IL1RAPL2: variants seen among roughly 807,000 people sequenced by gnomAD.
IL1RAPL2 encodes interleukin 1 receptor accessory protein like 2.
Under a neutral mutation model 44.1 loss-of-function variants are expected in IL1RAPL2, and 3 were observed. The ratio of observed to expected loss-of-function variants is 0.07; its 90% CI spans 0.03 to 0.18. The LOEUF is 0.18. IL1RAPL2 is among the 10% of genes least tolerant of loss of function. The pLI is 1.00. For synonymous variants in IL1RAPL2, 181 were observed against 178.8 expected (o/e 1.01, Z -0.10); for missense variants, 391 against 496.4 (o/e 0.79, Z 2.02).
intron 2 of IL1RAPL2, among the ~76,000 whole-genome samples, chrX:105,069,610 A>T (rs1602933822): frequency 8.9e-6 from 1 of 112,361 alleles, no homozygotes; most frequent in East Asian, 2.8e-4. Context: ...ATTTTTATAC[A>T]ACAAAAACAT....
intron 6 of IL1RAPL2, among the ~76,000 whole-genome samples, chrX:105,552,147 G>C (rs1384226128): frequency 9.2e-6 from 1 of 108,768 alleles, no homozygotes; most frequent in Non-Finnish European, 1.9e-5. Context: ...ACAAGATTTT[G>C]ATTCCCTATA....
At chrX:104,791,479 C>A (rs1394873009) in intron 2 of IL1RAPL2, among the ~76,000 whole-genome samples, 1 of 111,687 alleles carries the variant, frequency 9.0e-6, no homozygotes, top group Non-Finnish European at 1.9e-5. Context: ...AAAATAGCAA[C>A]AGATATAGAT....
chrX:105,416,347 T>C (rs764122783), intron 5 of IL1RAPL2, among the ~76,000 whole-genome samples: 9 of 112,064 alleles, frequency 8.0e-5, no homozygotes, highest in Admixed American at 3.8e-4. Context: ...ACACCTGAAG[T>C]ACTCCCACTT....
chrX:105,714,749 C>A (rs1424764733), intron 6 of IL1RAPL2, among the ~76,000 whole-genome samples: 3 of 111,998 alleles, frequency 2.7e-5, no homozygotes, highest in Non-Finnish European at 1.9e-5. Context: ...GGTCTTACTT[C>A]TCAACACTGT....
chrX:105,135,192 C>T (rs1432939679), intron 2 of IL1RAPL2, among the ~76,000 whole-genome samples: 2 of 111,486 alleles, frequency 1.8e-5, no homozygotes, highest in Non-Finnish European at 3.8e-5. Context: ...GTGGAATATA[C>T]TAGCATGAGA....
chrX:105,447,310 TAA>T (rs1401960493), intron 5 of IL1RAPL2, among the ~76,000 whole-genome samples: 1 of 60,512 alleles, frequency 1.7e-5, no homozygotes, highest in African/African-American at 6.9e-5. Flanking sequence ...TATATAAATA[TAA>T]ATATATATAA....
chrX:105,033,287 G>T (rs1246056586), intron 2 of IL1RAPL2, among the ~76,000 whole-genome samples: 2 of 111,350 alleles, frequency 1.8e-5, no homozygotes, highest in Non-Finnish European at 3.8e-5. Flanking sequence ...TGGTTATTTT[G>T]TTCGTTAGTT....
At chrX:105,478,891 A>G (rs751848931) in intron 5 of IL1RAPL2, among the ~76,000 whole-genome samples, 1 of 112,081 alleles carries the variant, frequency 8.9e-6, no homozygotes, top group African/African-American at 3.2e-5. Context: ...ATGAGACATG[A>G]TCTTTATCCT....
intron 6 of IL1RAPL2, among the ~76,000 whole-genome samples, chrX:105,545,451 C>T (rs1325299251): frequency 1.8e-5 from 2 of 112,239 alleles, no homozygotes; most frequent in African/African-American, 3.2e-5. Flanking sequence ...AACTAGTAAA[C>T]GGGAAGTAGC....
intron 2 of IL1RAPL2, among the ~76,000 whole-genome samples, chrX:104,773,376 G>T (rs1932668242): frequency 9.0e-6 from 1 of 111,603 alleles, no homozygotes; most frequent in Admixed American, 9.5e-5. Context: ...TATTGAAATT[G>T]TTGGTAATTT....
At chrX:104,730,144 TTGAA>T (rs1387334824) in intron 2 of IL1RAPL2, among the ~76,000 whole-genome samples, 1 of 111,373 alleles carries the variant, frequency 9.0e-6, no homozygotes, top group Non-Finnish European at 1.9e-5. Flanking sequence ...AAAGCAATAT[TTGAA>T]AGAAATACTA....
chrX:105,451,029 A>G lies in IL1RAPL2; in HGVS notation c.698-33284A>G, dbSNP rs1386627306. On this transcript the variant is annotated intron_variant, in intron 5 of 10. Transcript: ENST00000372582. ...AGATGGATTAATTAATGGCATTGCTAATTTATATCTCCTTATAGTTTCACA... is the reference window on the plus strand; with the variant it reads ...AGATGGATTAATTAATGGCATTGCTGATTTATATCTCCTTATAGTTTCACA... Among the ~76,000 whole-genome samples the G allele has an allele frequency of 6.4e-5, 7 of 109,036 alleles. No individual in the cohort carries two copies. In the Admixed American group the frequency reaches 6.9e-4, roughly 11 times the overall value. The allele number at this position is 109,036 out of a possible 115,157, so 94.7% of individuals were successfully genotyped here. A position where few individuals can be genotyped will look rare whatever the true frequency, so the allele number is the denominator to read the frequency against.
chrX:105,228,828 C>T lies in IL1RAPL2; in HGVS notation c.357-4990C>T, dbSNP rs1166782478. 2.7e-5 allele frequency among the ~76,000 whole-genome samples: 3 copies of T among 112,044 alleles called. No homozygotes were observed. The Admixed American group carries it at 2.9e-4, about 11-fold the overall frequency. ...TTGGTTCTGAACTACTGACCAGCTA[C>T]GTCAGCTTGACAAAGTTCTTTGTCC... On this transcript the variant is annotated intron_variant, in intron 3 of 10. Transcript: ENST00000372582.
chrX:105,165,292 G>A (rs1303735577), intron 2 of IL1RAPL2, among the ~76,000 whole-genome samples: 1 of 110,981 alleles, frequency 9.0e-6, no homozygotes, highest in Non-Finnish European at 1.9e-5. Flanking sequence ...TAAAAATTTG[G>A]GAGCTTAATA....
At chrX:105,123,427 C>A (rs1030214358) in intron 2 of IL1RAPL2, among the ~76,000 whole-genome samples, 29 of 111,153 alleles carry the variant, frequency 2.6e-4, no homozygotes, top group African/African-American at 8.8e-4. Flanking sequence ...TAGCTTAAAT[C>A]TATCCCATCC....
chrX:104,889,791 A>C (rs976494039), intron 2 of IL1RAPL2, among the ~76,000 whole-genome samples: 1 of 92,733 alleles, frequency 1.1e-5, no homozygotes, highest in African/African-American at 3.5e-5. Flanking sequence ...TTTATTTTAC[A>C]ATCCCAAATA....
intron 2 of IL1RAPL2, among the ~76,000 whole-genome samples, chrX:104,660,744 C>A (rs1300416454): frequency 8.4e-5 from 9 of 106,600 alleles, no homozygotes; most frequent in African/African-American, 3.1e-4. Flanking sequence ...TGAGACCAGC[C>A]TGGGTAACAT....
chrX:105,462,018 C>T (rs770370379), intron 5 of IL1RAPL2, among the ~76,000 whole-genome samples: 2 of 110,947 alleles, frequency 1.8e-5, no homozygotes, highest in Non-Finnish European at 3.8e-5. Context: ...AAAACATCCA[C>T]CATTATCTGT....
chrX:104,641,302 G>T (rs1030867821), intron 1 of IL1RAPL2, among the ~76,000 whole-genome samples: 2 of 111,205 alleles, frequency 1.8e-5, no homozygotes, highest in Non-Finnish European at 3.8e-5. Context: ...CCCAGGCTAC[G>T]TACTCTGCCT....
Sources: gnomAD v4.1 joint callset for allele counts (sites outside exome capture counted in the v4.1 genomes callset) on GRCh38, gnomAD v4.1.1 for gene constraint, MANE v1.5 for transcripts, NCBI Gene and HGNC (gene_info 2026-07-23, HGNC 2026-07-21) for gene names.